ADARB2: variants seen among roughly 807,000 people sequenced by gnomAD.
ADARB2 encodes the protein inactive double-stranded RNA-specific editase B2.
ADARB2 carries 25 observed loss-of-function variants against 62.2 expected under a neutral mutation model. That is an observed-to-expected ratio of 0.40 (90% CI 0.29 to 0.56). The LOEUF is 0.56. Ranked by LOEUF, ADARB2 falls within the 20% of genes least tolerant of loss-of-function variation. The pLI is 0.43. For missense variants in ADARB2, 1,071 were observed against 1,077.4 expected (o/e 0.99, Z 0.08); for synonymous variants, 572 against 500.8 (o/e 1.14, Z -1.90).
intron 1 of ADARB2, among the ~76,000 whole-genome samples, chr10:1,587,661 A>G (rs1056852282): frequency 3.3e-5 from 5 of 152,122 alleles, no homozygotes; most frequent in Non-Finnish European, 7.4e-5. Flanking sequence ...TTTGAAACCA[A>G]GCATTTTATT....
chr10:1,256,095 G>A (rs1184470075), intron 4 of ADARB2, among the ~76,000 whole-genome samples: 3 of 152,212 alleles, frequency 2.0e-5, no homozygotes, highest in African/African-American at 7.2e-5. Context: ...GTATTGCCCA[G>A]TATTACAGCT....
rs1252353643 is a variant in ADARB2, at chr10:1,239,942, C to A, written c.1361+2189G>T. 1.6e-4 allele frequency among the ~76,000 whole-genome samples: 3 copies of A among 19,320 alleles called. 1 individual carries two copies. Among genetic ancestry groups the A allele is most frequent in the Non-Finnish European group, 2.4e-4 (3 of 12,384 alleles). 12.7% of individuals were successfully genotyped at this position (19,320 alleles called of 152,430 possible). ...CCTCCCGGTGTTCACTCCCCTCTGCCTCCCGGTGTTTACTCCCCTCTGCCT... is the reference window on the plus strand; with the variant it reads ...CCTCCCGGTGTTCACTCCCCTCTGCATCCCGGTGTTTACTCCCCTCTGCCT... On this transcript the variant is annotated intron_variant, in intron 5 of 9. Transcript: ENST00000381312.
At chr10:1,672,659 C>CT (rs1449277828) in intron 1 of ADARB2, among the ~76,000 whole-genome samples, 13 of 151,360 alleles carry the variant, frequency 8.6e-5, no homozygotes, top group South Asian at 2.1e-4. Flanking sequence ...CCCCGCAAGG[C>CT]TCCTGCCTCC....
intron 1 of ADARB2, among the ~76,000 whole-genome samples, chr10:1,479,300 C>T (rs1427665754): frequency 6.6e-6 from 1 of 152,172 alleles, no homozygotes; most frequent in Non-Finnish European, 1.5e-5. Flanking sequence ...GGAAGAAGCC[C>T]TGATGTGTGA....
chr10:1,438,070 G>A (rs890471447), intron 1 of ADARB2, among the ~76,000 whole-genome samples: 3 of 152,206 alleles, frequency 2.0e-5, no homozygotes, highest in African/African-American at 7.2e-5. Flanking sequence ...GAAGCAGGGT[G>A]GGCAGACAAA....
intron 3 of ADARB2, among the ~76,000 whole-genome samples, chr10:1,344,955 A>G (rs1452812507): frequency 6.6e-6 from 1 of 152,144 alleles, no homozygotes; most frequent in Admixed American, 6.5e-5. Context: ...AAGAAATAAA[A>G]CAGACTGTGG....
Position 1,264,855 on chromosome 10 carries a change from G to T in ADARB2, c.1192+6100C>A, listed in dbSNP as rs371063126. ...AGTTGTAAGTCAGTCCAAGAAAATT[G>T]TGGAGCGATAAAGCTGGACCTTAGT... On this transcript the variant is annotated intron_variant, in intron 4 of 9. Transcript: ENST00000381312. Among the ~76,000 whole-genome samples the T allele has an allele frequency of 2.6e-5, 4 of 152,318 alleles. No homozygotes were observed. The South Asian group carries it at 8.3e-4, about 32-fold the overall frequency.
At chr10:1,458,330 A>G (rs2820636) in intron 1 of ADARB2, among the ~76,000 whole-genome samples, 101,743 of 152,066 alleles carry the variant, frequency 0.67, 34,793 homozygotes, top group Non-Finnish European at 0.75. Context: ...CTGCCAGGAG[A>G]AGAAGGAAAG....
At chr10:1,722,133 T>C (rs180775654) in intron 1 of ADARB2, among the ~76,000 whole-genome samples, 246 of 152,244 alleles carry the variant, frequency 1.6e-3, no homozygotes, top group African/African-American at 5.6e-3. Context: ...TCTATTTCAC[T>C]GTAAACCCTT....
At chr10:1,663,387 C>G (rs181302825) in intron 1 of ADARB2, among the ~76,000 whole-genome samples, 2 of 152,142 alleles carry the variant, frequency 1.3e-5, no homozygotes, top group Admixed American at 1.3e-4. Context: ...TGCTACAGAG[C>G]GCTGCTACAG....
At chr10:1,718,984 G>GTTT (rs112998675) in intron 1 of ADARB2, among the ~76,000 whole-genome samples, 4 of 151,636 alleles carry the variant, frequency 2.6e-5, no homozygotes, top group African/African-American at 7.3e-5. Flanking sequence ...TTTTGTTGTT[G>GTTT]TTGTTGTTGT....
chr10:1,639,971 A>T (rs915028651), intron 1 of ADARB2, among the ~76,000 whole-genome samples: 1 of 152,174 alleles, frequency 6.6e-6, no homozygotes, highest in African/African-American at 2.4e-5. Context: ...TCTTTGTGGA[A>T]CCACTCAGAA....
intron 1 of ADARB2, among the ~76,000 whole-genome samples, chr10:1,410,935 C>T (rs1284769343): frequency 6.6e-6 from 1 of 152,216 alleles, no homozygotes; most frequent in Non-Finnish European, 1.5e-5. Flanking sequence ...CCGAGCTGCG[C>T]CCTGTCCTCC....
intron 3 of ADARB2, among the ~76,000 whole-genome samples, chr10:1,358,062 G>C (rs1180949162): frequency 1.3e-5 from 2 of 152,362 alleles, no homozygotes; most frequent in African/African-American, 4.8e-5. Flanking sequence ...AACAGAGAGA[G>C]AGACAGACAG....
intron 1 of ADARB2, among the ~76,000 whole-genome samples, chr10:1,510,160 CTT>C (rs141258916): frequency 1.4e-4 from 16 of 112,514 alleles, no homozygotes; most frequent in African/African-American, 5.6e-4. Context: ...TTCTTTCTTT[CTT>C]TCTTTCTTTT....
Position 1,704,801 on chromosome 10 carries a change from T to C in ADARB2, c.100+32250A>G, listed in dbSNP as rs1834867726. ...AAAAAGCTAGTGTGGGTCAAGATGT[T>C]AAAGGGGCAGGGAGTATTGAGAACG... is the stretch of plus-strand genomic sequence containing the variant. On this transcript the variant is annotated intron_variant, in intron 1 of 9. Transcript: ENST00000381312. This position sits in a 1 kb window ranked among gnomAD's most constrained non-coding sequence, Gnocchi z 5.6. 6.6e-6 allele frequency among the ~76,000 whole-genome samples: 1 copy of C among 152,110 alleles called. No homozygotes were observed. Among genetic ancestry groups the C allele is most frequent in the African/African-American group, 2.4e-5 (1 of 41,408 alleles).
At chr10:1,727,309 CAAGG>C (rs1376038489) in intron 1 of ADARB2, among the ~76,000 whole-genome samples, 2 of 152,136 alleles carry the variant, frequency 1.3e-5, no homozygotes, top group East Asian at 3.9e-4. Flanking sequence ...AGAGCAAAAC[CAAGG>C]AAGATGTCTT....
intron 4 of ADARB2, among the ~76,000 whole-genome samples, chr10:1,269,509 C>T (rs1831238534): frequency 6.6e-6 from 1 of 152,198 alleles, no homozygotes; most frequent in African/African-American, 2.4e-5. Context: ...TACATGAACA[C>T]ATTTAGCCTT....
intron 1 of ADARB2, among the ~76,000 whole-genome samples, chr10:1,422,581 C>G (rs1340419334): frequency 6.6e-6 from 1 of 152,178 alleles, no homozygotes; most frequent in African/African-American, 2.4e-5. Context: ...TGACCCCAGC[C>G]TGCAGGTCAC....
Sources: gnomAD v4.1 joint callset for allele counts (sites outside exome capture counted in the v4.1 genomes callset) on GRCh38, gnomAD v4.1.1 for gene constraint, Gnocchi (gnomAD v3.1) non-coding constraint, MANE v1.5 for transcripts, NCBI Gene and HGNC (gene_info 2026-07-23, HGNC 2026-07-21) for gene names.